The following TTLL11 variants were observed in gnomAD, a reference collection of about 807,000 sequenced individuals.
The protein encoded by TTLL11 is tubulin polyglutamylase TTLL11.
A neutral mutation model predicts 51.7 loss-of-function variants in TTLL11; 42 were observed. That is an observed-to-expected ratio of 0.81 (90% CI 0.64 to 1.05). The LOEUF is 1.05. TTLL11 is among the 50% of genes least tolerant of loss of function. TTLL11 has a pLI of 0.00. For synonymous variants in TTLL11, 381 were observed against 383.5 expected (o/e 0.99, Z 0.08); for missense variants, 799 against 940.4 (o/e 0.85, Z 1.97).
At chr9:121,875,494 C>G (rs977110862) in intron 6 of TTLL11, among the ~76,000 whole-genome samples, 2 of 152,130 alleles carry the variant, frequency 1.3e-5, no homozygotes, top group Non-Finnish European at 2.9e-5. Context: ...AATAACCTCA[C>G]GATGAAAAGA....
At chr9:121,937,234 T>A (rs1841268713) in intron 6 of TTLL11, among the ~76,000 whole-genome samples, 1 of 152,188 alleles carries the variant, frequency 6.6e-6, no homozygotes. Flanking sequence ...ATGCCAGCTA[T>A]TTTTGGTTGA....
intron 8 of TTLL11, among the ~76,000 whole-genome samples, chr9:121,840,423 G>A (rs1041525358): frequency 3.3e-5 from 5 of 152,092 alleles, no homozygotes; most frequent in African/African-American, 7.2e-5. Context: ...ACAGGGTCTC[G>A]CTTTGTCACT....
chr9:121,822,442 C>T lies in TTLL11; in HGVS notation c.*145G>A, dbSNP rs1047658021. On this transcript the variant is annotated 3_prime_UTR_variant, in exon 9 of 9. Coordinates refer to ENST00000321582, the MANE Select transcript of TTLL11 (RefSeq NM_001139442.2). This position sits in a 1 kb window ranked among gnomAD's most constrained non-coding sequence, Gnocchi z 5.8. ...CCAGCCAGCCTGGTGAAGCACAGCT[C>T]AGCCGCACACAGAGACAGTTCGTGG... The T allele has an allele frequency of 2.7e-6, 2 of 734,750 alleles. No homozygotes were observed. Among genetic ancestry groups the T allele is most frequent in the Non-Finnish European group, 4.1e-6 (2 of 487,280 alleles). 45.5% of individuals were successfully genotyped at this position (734,750 alleles called of 1,614,324 possible).
intron 8 of TTLL11, among the ~76,000 whole-genome samples, chr9:121,832,752 C>A (rs1300568884): frequency 6.6e-6 from 1 of 152,100 alleles, no homozygotes; most frequent in African/African-American, 2.4e-5. Context: ...CCAGCCTGAC[C>A]AACACGGTGA....
chr9:121,899,365 GTATATATATATACATATATATATATATA>G (rs1554766918), intron 6 of TTLL11, among the ~76,000 whole-genome samples: 1 of 113,242 alleles, frequency 8.8e-6, no homozygotes, highest in Non-Finnish European at 1.8e-5. Context: ...ATGTGTGTGT[GTATATATATATACATATATATATATATA>G]TATATATATA....
Position 121,853,381 on chromosome 9 carries a change from T to C in TTLL11, c.1840+6956A>G, listed in dbSNP as rs1418056056. ...TGCTGCGGAGCAGGTGAGACGGTAC[T>C]GGGCCCAGCCTGAGCACTGGGGGAG... is the stretch of plus-strand genomic sequence containing the variant. On this transcript the variant is annotated intron_variant, in intron 8 of 8. Coordinates refer to ENST00000321582, the MANE Select transcript of TTLL11 (RefSeq NM_001139442.2). This position sits in a 1 kb window ranked among gnomAD's most constrained non-coding sequence, Gnocchi z 5.6. Among the ~76,000 whole-genome samples the C allele has an allele frequency of 7.0e-6, 1 of 141,964 alleles. No homozygotes were observed. Among genetic ancestry groups the C allele is most frequent in the East Asian group, 2.1e-4 (1 of 4,696 alleles). The allele number at this position is 141,964 out of a possible 152,430, so 93.1% of individuals were successfully genotyped here.
At position 122,093,112 on chromosome 9, in the gene TTLL11, G is replaced by T. The variant is rs1011923121; in HGVS notation, c.37C>A (p.Arg13=). ...RGSSESELAA[R]WEAEAVAAAK... ...GCAGCCACCGCCTCCGCCTCCCACC[G>T]GGCCGCCAGCTCGCTCTCGGAGCTG... The change falls in exon 1 of 9, where the codon CGG becomes AGG. Residue 13 remains arginine (R), a synonymous_variant. Transcript: ENST00000321582. 1.3e-6 allele frequency: 2 copies of T among 1,496,536 alleles called. No homozygotes were observed. Among genetic ancestry groups the T allele is most frequent in the South Asian group, 1.3e-5 (1 of 79,696 alleles). 92.7% of individuals were successfully genotyped at this position (1,496,536 alleles called of 1,614,324 possible).
intron 8 of TTLL11, among the ~76,000 whole-genome samples, chr9:121,823,739 AC>A (rs1158582872): frequency 1.3e-5 from 2 of 151,942 alleles, no homozygotes; most frequent in Admixed American, 6.6e-5. Flanking sequence ...TGTAAATTTT[AC>A]CCCCCAAAGT....
intron 1 of TTLL11, among the ~76,000 whole-genome samples, chr9:122,084,309 T>G (rs1415091176): frequency 6.6e-6 from 1 of 152,108 alleles, no homozygotes; most frequent in East Asian, 1.9e-4. Flanking sequence ...CCGCCAGAAA[T>G]GCCTGCAAGT....
At chr9:122,062,044 G>C (rs1845449009) in intron 1 of TTLL11, among the ~76,000 whole-genome samples, 1 of 152,224 alleles carries the variant, frequency 6.6e-6, no homozygotes, top group Non-Finnish European at 1.5e-5. Flanking sequence ...AGGGAACTAG[G>C]AATCTGGATG....
In TTLL11 at chr9:121,857,169, C is replaced by T. The variant is rs747981226; in HGVS notation, c.1840+3168G>A. ...CCAGGAGTGAGGAAAACTCAGAGGA[C>T]GGAGGAAAGGGAGACAGGAGGTTGG... is the stretch of plus-strand genomic sequence containing the variant. On this transcript the variant is annotated intron_variant, in intron 8 of 8. Coordinates refer to ENST00000321582, the MANE Select transcript of TTLL11 (RefSeq NM_001139442.2). Among the ~76,000 whole-genome samples the T allele has an allele frequency of 3.3e-5, 5 of 152,172 alleles. No individual in the cohort carries two copies. In the South Asian group the frequency reaches 6.2e-4, roughly 19 times the overall value.
At chr9:121,971,772 CATAT>C (rs1842586578) in intron 6 of TTLL11, among the ~76,000 whole-genome samples, 1 of 103,634 alleles carries the variant, frequency 9.6e-6, no homozygotes, top group East Asian at 2.1e-4. Context: ...GAAAATGTGG[CATAT>C]ATACACCATG....
intron 8 of TTLL11, among the ~76,000 whole-genome samples, chr9:121,852,022 C>T (rs1231451908): frequency 6.6e-6 from 1 of 152,206 alleles, no homozygotes; most frequent in Non-Finnish European, 1.5e-5. Flanking sequence ...GTTGTCACTG[C>T]GCAAGGCAGA....
chr9:121,957,567 G>A (rs996227821), intron 6 of TTLL11, among the ~76,000 whole-genome samples: 7 of 152,142 alleles, frequency 4.6e-5, no homozygotes, highest in African/African-American at 2.4e-5. Context: ...TGTGCCCTGC[G>A]TTTGAGAGGG....
intron 6 of TTLL11, among the ~76,000 whole-genome samples, chr9:121,968,449 T>C (rs10985473): frequency 0.027 from 4,106 of 152,368 alleles, 76 homozygotes; most frequent in South Asian, 0.066. Context: ...GCTTCATTTT[T>C]AGGATACATC....
At chr9:121,856,044 T>G (rs1367930791) in intron 8 of TTLL11, among the ~76,000 whole-genome samples, 2 of 152,202 alleles carry the variant, frequency 1.3e-5, no homozygotes, top group Non-Finnish European at 2.9e-5. Context: ...GAAGTTAGAC[T>G]GGTTTTTATT....
chr9:121,992,482 T>G (rs1020266787), intron 3 of TTLL11, among the ~76,000 whole-genome samples: 1 of 152,178 alleles, frequency 6.6e-6, no homozygotes, highest in African/African-American at 2.4e-5. Context: ...GGCATGTGTA[T>G]TCTGGAAAAA....
chr9:121,971,746 G>GAACAAAAAAAAAA (rs1842584029), intron 6 of TTLL11, among the ~76,000 whole-genome samples: 1 of 97,878 alleles, frequency 1.0e-5, no homozygotes, highest in Non-Finnish European at 2.1e-5. Flanking sequence ...TCTGCCTTGG[G>GAACAAAAAAAAAA]AAAAAAAAAA....
chr9:121,993,292 A>G (rs914791914), intron 3 of TTLL11, among the ~76,000 whole-genome samples: 1 of 152,218 alleles, frequency 6.6e-6, no homozygotes, highest in Non-Finnish European at 1.5e-5. Context: ...AATCTGGTAA[A>G]TCTTGTCATG....
Sources: gnomAD v4.1 joint callset for allele counts (sites outside exome capture counted in the v4.1 genomes callset) on GRCh38, gnomAD v4.1.1 for gene constraint, Gnocchi (gnomAD v3.1) non-coding constraint, MANE v1.5 for transcripts, NCBI Gene and HGNC (gene_info 2026-07-23, HGNC 2026-07-21) for gene names.